Variants in PRTG observed in about 807,000 individuals in gnomAD.
PRTG encodes the protein protogenin.
A neutral mutation model predicts 122.5 loss-of-function variants in PRTG; 67 were observed. The ratio of observed to expected loss-of-function variants is 0.55; its 90% confidence interval spans 0.45 to 0.67. The LOEUF is 0.67. Ranked by LOEUF, PRTG falls within the 30% of genes least tolerant of loss-of-function variation. The pLI, the probability that PRTG is intolerant of heterozygous loss-of-function variation, is 0.00. For synonymous variants in PRTG, 554 were observed against 501.1 expected (o/e 1.11, Z -1.41); for missense variants, 1,435 against 1,415.4 (o/e 1.01, Z -0.22).
chr15:55,693,351 G>C (rs7172903), intron 2 of PRTG, among the ~76,000 whole-genome samples: 18,836 of 152,020 alleles, frequency 0.12, 1,455 homozygotes, highest in East Asian at 0.36. Context: ...AGCTACTTGG[G>C]AGGGTGAGGC....
intron 10 of PRTG, 65 bp from the exon 11 acceptor site, chr15:55,672,698 G>C (rs2059479792): frequency 3.3e-6 from 4 of 1,215,432 alleles, no homozygotes; most frequent in South Asian, 3.4e-5. Context: ...ACACAGAATA[G>C]GGTAGTTCTC....
Position 55,618,438 on chromosome 15 carries a change from A to C in PRTG, c.*1574T>G, listed in dbSNP as rs1307052280. 1 of 152,136 alleles carries C rather than the reference A, an allele frequency of 6.6e-6. No individual in the cohort carries two copies. Among genetic ancestry groups the C allele is most frequent in the Non-Finnish European group, 1.5e-5 (1 of 68,004 alleles). The allele number at this position is 152,136 out of a possible 1,614,324, so 9.4% of individuals were successfully genotyped here. ...CCAGAAAATTTGAAAAAATACTTTT[A>C]AAAGGATATGGGACCCCTTCTCTAC... On this transcript the variant is annotated 3_prime_UTR_variant, in exon 20 of 20. Coordinates refer to ENST00000389286, the MANE Select transcript of PRTG (RefSeq NM_173814.6).
At position 55,612,697 on chromosome 15, in the gene PRTG, A is replaced by AATAT. The variant is rs59773365; in HGVS notation, c.*7311_*7314dup. On this transcript the variant is annotated 3_prime_UTR_variant, in exon 20 of 20. Transcript: ENST00000389286. ...TTCTCTCTTTAACTCTTTAAAAGCC[A>AATAT]ATATATATATATATATATATATATA... 3.1e-3 allele frequency: 375 copies of AATAT among 120,516 alleles called. 9 individuals carry two copies. Among genetic ancestry groups the AATAT allele is most frequent in the African/African-American group, 8.4e-3 (179 of 21,310 alleles). 7.5% of individuals were successfully genotyped at this position (120,516 alleles called of 1,614,324 possible).
rs374517884 is a variant in PRTG at position 55,631,857 on chromosome 15, T to A, written c.2624-2853A>T. The stretch of plus-strand genomic sequence containing the variant: ...ATTATTGGCAAGTATCTGACACAAG[T>A]GTAAATAAAAGTGAGTTTTCTTCCT... On this transcript the variant is annotated intron_variant, in intron 15 of 19. Transcript: ENST00000389286. Among the ~76,000 whole-genome samples, 9 of 152,216 alleles carry A rather than the reference T, an allele frequency of 5.9e-5. No individual in the cohort carries two copies. The East Asian group carries it at 7.7e-4, about 13-fold the overall frequency.
At chr15:55,721,338 T>C (rs1595676399) in intron 2 of PRTG, among the ~76,000 whole-genome samples, 1 of 152,206 alleles carries the variant, frequency 6.6e-6, no homozygotes, top group Non-Finnish European at 1.5e-5. Flanking sequence ...ACAAATCTGA[T>C]GAAGCCAATC....
chr15:55,635,879 T>C (rs936913550), intron 15 of PRTG, among the ~76,000 whole-genome samples: 1 of 152,186 alleles, frequency 6.6e-6, no homozygotes, highest in African/African-American at 2.4e-5. Flanking sequence ...GCCACTACAT[T>C]TCCTGCCTGA....
rs75848442 is a variant in PRTG, at chr15:55,651,375, G to A, written c.2042-10167C>T. ...TAGTAAATTAATTTTACTTTAAGGA[G>A]AACACATTCAAGAATTCCAATCCTG... On this transcript the variant is annotated intron_variant, in intron 11 of 19. Transcript: ENST00000389286. 2.6e-3 allele frequency among the ~76,000 whole-genome samples: 397 copies of A among 152,258 alleles called. 2 individuals carry two copies. Among genetic ancestry groups the A allele is most frequent in the African/African-American group, 9.2e-3 (381 of 41,536 alleles).
intron 2 of PRTG, among the ~76,000 whole-genome samples, chr15:55,734,786 T>C (rs1193774705): frequency 3.9e-5 from 6 of 152,138 alleles, no homozygotes; most frequent in Non-Finnish European, 7.4e-5. Flanking sequence ...GTCAGGAAAG[T>C]ATTTGTCAGA....
At chr15:55,650,374 G>C (rs4774797) in intron 11 of PRTG, among the ~76,000 whole-genome samples, 119,705 of 152,126 alleles carry the variant, frequency 0.79, 47,263 homozygotes, top group Middle Eastern at 0.89. Context: ...GCTTCACAGA[G>C]GAGGTGGCAT....
chr15:55,641,077 G>C, intron 12 of PRTG, 36 bp downstream of exon 12: 1 of 1,394,230 alleles, frequency 7.2e-7, no homozygotes, highest in Non-Finnish European at 1.0e-6. Flanking sequence ...AACGGTGTGA[G>C]CCATAGTAAA....
Position 55,692,933 on chromosome 15 carries a change from C to T in PRTG, c.398-9002G>A, listed in dbSNP as rs572181144. Among the ~76,000 whole-genome samples the T allele has an allele frequency of 3.4e-4, 51 of 150,484 alleles. 1 individual carries two copies. The highest frequency in any genetic ancestry group is 1.2e-3 in the African/African-American group (49 of 40,948). On this transcript the variant is annotated intron_variant, in intron 2 of 19. Transcript: ENST00000389286. Reference sequence around the variant, plus strand: ...TCAGCTCACTGCAACCTCTGTCTCCCGGGTTCAAGCAATTCTCCTGCTTCA... The same window carrying T: ...TCAGCTCACTGCAACCTCTGTCTCCTGGGTTCAAGCAATTCTCCTGCTTCA...
intron 11 of PRTG, among the ~76,000 whole-genome samples, chr15:55,662,588 C>G (rs958461000): frequency 1.3e-5 from 2 of 152,054 alleles, no homozygotes; most frequent in African/African-American, 4.8e-5. Flanking sequence ...TTTCACCAAA[C>G]TAAGATCACA....
At position 55,615,503 on chromosome 15, in the gene PRTG, T is replaced by C. The variant is rs1342760968; in HGVS notation, c.*4509A>G. The C allele has an allele frequency of 2.6e-5, 4 of 152,132 alleles. No homozygotes were observed. Among genetic ancestry groups the C allele is most frequent in the Admixed American group, 2.6e-4 (4 of 15,252 alleles). The allele number at this position is 152,132 out of a possible 1,614,324, so 9.4% of individuals were successfully genotyped here. On this transcript the variant is annotated 3_prime_UTR_variant, in exon 20 of 20. Transcript: ENST00000389286. ...CATAAATCAACTTAACACAGAACTC[T>C]ACGGTTACATTCTTCTAAACATCAA... is the stretch of plus-strand genomic sequence containing the variant.
At chr15:55,673,705 T>C in intron 9 of PRTG, 29 bp from the exon 10 acceptor site, 2 of 1,583,346 alleles carry the variant, frequency 1.3e-6, no homozygotes, top group Non-Finnish European at 1.7e-6. Flanking sequence ...AGGTTGTTTA[T>C]AAATATTTAG....
At chr15:55,659,876 GC>G (rs1331622270) in intron 11 of PRTG, among the ~76,000 whole-genome samples, 1 of 151,824 alleles carries the variant, frequency 6.6e-6, no homozygotes. Flanking sequence ...CCGAGATCAT[GC>G]CATTGCACTC....
At chr15:55,639,590 G>C (rs372342073) in intron 13 of PRTG, 52 bp downstream of exon 13, 3 of 1,493,196 alleles carry the variant, frequency 2.0e-6, no homozygotes, top group South Asian at 1.2e-5. Flanking sequence ...AAGTTGGAGT[G>C]GGGGTGTGGT....
chr15:55,646,760 A>T (rs929766036), intron 11 of PRTG, among the ~76,000 whole-genome samples: 2 of 152,202 alleles, frequency 1.3e-5, no homozygotes, highest in African/African-American at 4.8e-5. Flanking sequence ...ATCTAACACA[A>T]ATTTGATTCA....
At chr15:55,724,386 C>T (rs774219020) in intron 2 of PRTG, among the ~76,000 whole-genome samples, 1 of 152,032 alleles carries the variant, frequency 6.6e-6, no homozygotes, top group Non-Finnish European at 1.5e-5. Context: ...GTATATATTA[C>T]GTTTTTTGAT....
chr15:55,742,832 GC>G lies in PRTG; in HGVS notation c.94+5del, dbSNP rs1442354332. 42 of 1,541,660 alleles carry G rather than the reference GC, an allele frequency of 2.7e-5. No individual in the cohort carries two copies. Among genetic ancestry groups the G allele is most frequent in the Non-Finnish European group, 3.7e-5 (42 of 1,142,552 alleles). ...GGTAAGAGAAAGCAGAAGAAAGCGCGCCCACCTGGCAAAGGACTGAGCAGCA... is the reference window on the plus strand; with the variant it reads ...GGTAAGAGAAAGCAGAAGAAAGCGCGCCACCTGGCAAAGGACTGAGCAGCA... On this transcript the variant is annotated splice_donor_5th_base_variant and intron_variant, in intron 1 of 19. Transcript: ENST00000389286.
Sources: allele counts gnomAD v4.1 joint callset (sites outside exome capture counted in the v4.1 genomes callset), GRCh38; gene constraint gnomAD v4.1.1; transcripts MANE v1.5; gene names NCBI Gene and HGNC (gene_info 2026-07-23, HGNC 2026-07-21).